Variants in SF3A3 observed in about 807,000 individuals in gnomAD.
SF3A3 encodes splicing factor 3a subunit 3, also known as SAP 61.
A neutral mutation model predicts 85.8 loss-of-function variants in SF3A3; 9 were observed. The observed-to-expected ratio is 0.10, with a 90% confidence interval of 0.06 to 0.18. The LOEUF (loss-of-function observed/expected upper bound fraction) is 0.18, where lower values mean the gene tolerates loss of function less well. Among genes scored for constraint, SF3A3 ranks in the 10% least tolerant of loss-of-function variants. The probability of loss-of-function intolerance (pLI) is 1.00; values close to 1 mark genes in which losing one functional copy is unlikely to be tolerated. For synonymous variants in SF3A3, 195 were observed against 204.4 expected (o/e 0.95, Z 0.39); for missense variants, 306 against 593.3 (o/e 0.52, Z 5.03).
At chr1:37,988,623 TCTC>T (rs1646471395) in intron 2 of SF3A3, among the ~76,000 whole-genome samples, 2 of 152,294 alleles carry the variant, frequency 1.3e-5, no homozygotes, top group South Asian at 4.1e-4. Flanking sequence ...AATCTGATAA[TCTC>T]CTGCAAATCA....
At chr1:37,978,303 C>T (rs1407716921) in intron 11 of SF3A3, among the ~76,000 whole-genome samples, 2 of 149,044 alleles carry the variant, frequency 1.3e-5, no homozygotes, top group Non-Finnish European at 3.0e-5. Context: ...TGCACCACTG[C>T]ACTCCAGCTT....
In SF3A3 at chr1:37,980,740, C is replaced by G; in HGVS notation, c.552-16G>C. The G allele has an allele frequency of 1.3e-6, 2 of 1,579,912 alleles. No homozygotes were observed. The highest frequency in any genetic ancestry group is 1.7e-6 in the Non-Finnish European group (2 of 1,157,706). ...CTCTAGGTATCTACAGAGGAACACA[C>G]AATGCAGACAAAGCAAAAAGGGTTT... is the stretch of plus-strand genomic sequence containing the variant. On this transcript the variant is annotated splice_polypyrimidine_tract_variant and intron_variant, in intron 7 of 16. Coordinates refer to ENST00000373019, the MANE Select transcript of SF3A3 (RefSeq NM_006802.4).
chr1:37,971,249 A>T (rs1353942076), intron 12 of SF3A3, among the ~76,000 whole-genome samples: 2 of 152,128 alleles, frequency 1.3e-5, no homozygotes, highest in African/African-American at 4.8e-5. Context: ...CAAACTAGAA[A>T]ATCTAGAAGA....
At chr1:37,969,033 T>C (rs1387906565) in intron 14 of SF3A3, among the ~76,000 whole-genome samples, 1 of 152,014 alleles carries the variant, frequency 6.6e-6, no homozygotes, top group African/African-American at 2.4e-5. Flanking sequence ...AGCAATGGGG[T>C]AGAGAAATAA....
chr1:37,973,625 T>G (rs1211061636), intron 12 of SF3A3, among the ~76,000 whole-genome samples: 1 of 152,234 alleles, frequency 6.6e-6, no homozygotes, highest in East Asian at 1.9e-4. Flanking sequence ...GCTTTTACAC[T>G]GTTGGTGGGA....
intron 1 of SF3A3, 64 bp from the exon 2 acceptor site, chr1:37,989,659 G>A: frequency 6.3e-7 from 1 of 1,575,944 alleles, no homozygotes. Flanking sequence ...AAGGCCGCCC[G>A]AGGGCGGAGC....
At chr1:37,965,426 A>C (rs1184200817) in intron 15 of SF3A3, among the ~76,000 whole-genome samples, 4 of 152,192 alleles carry the variant, frequency 2.6e-5, no homozygotes, top group African/African-American at 7.2e-5. Context: ...TGAAGAGATA[A>C]TCTCTGTCAA....
At chr1:37,982,510 A>G (rs547809424) in intron 6 of SF3A3, among the ~76,000 whole-genome samples, 1 of 151,906 alleles carries the variant, frequency 6.6e-6, no homozygotes, top group East Asian at 1.9e-4. Context: ...AATTGGGATT[A>G]CAGGCATGAG....
At chr1:37,969,298 T>TAGAG in intron 14 of SF3A3, 56 bp downstream of exon 14, 1 of 1,333,368 alleles carries the variant, frequency 7.5e-7, no homozygotes, top group Non-Finnish European at 1.1e-6. Flanking sequence ...CTCTTTTCTC[T>TAGAG]AAAAGTCTCA....
At position 37,989,557 on chromosome 1, in the gene SF3A3, G is replaced by C; in HGVS notation, c.135C>G (p.Ala45=). The change falls in exon 2 of 17, where the codon GCC becomes GCG. Residue 45 remains alanine, a synonymous_variant. Transcript: ENST00000373019. ...ACAGCTGGGCACTCACATCTTGCAT[G>C]GCCCGAGTGCGGTGATCAGAATTGA... The part of the protein sequence containing the change: ...DQINSDHRTR[A]MQDRYMEVSG... 1.9e-6 allele frequency: 3 copies of C among 1,613,944 alleles called. No individual in the cohort carries two copies. The highest frequency in any genetic ancestry group is 2.5e-6 in the Non-Finnish European group (3 of 1,179,970).
chr1:37,976,821 G>C (rs963429181), intron 12 of SF3A3, 63 bp downstream of exon 12: 2 of 1,021,098 alleles, frequency 2.0e-6, no homozygotes, highest in Non-Finnish European at 3.1e-6. Flanking sequence ...TCTTCTGTGA[G>C]TTCCTCTCCC....
intron 6 of SF3A3, among the ~76,000 whole-genome samples, chr1:37,982,886 G>C (rs1337445186): frequency 6.6e-6 from 1 of 151,876 alleles, no homozygotes; most frequent in Admixed American, 6.6e-5. Context: ...ATTGAGTCCA[G>C]GAGTCCAAGA....
chr1:37,988,617 T>C (rs1646471352), intron 2 of SF3A3, among the ~76,000 whole-genome samples: 1 of 152,202 alleles, frequency 6.6e-6, no homozygotes, highest in South Asian at 2.1e-4. Context: ...GCTTGTAATC[T>C]GATAATCTCC....
intron 12 of SF3A3, among the ~76,000 whole-genome samples, chr1:37,975,527 A>G (rs1213927100): frequency 1.3e-5 from 2 of 150,822 alleles, no homozygotes; most frequent in African/African-American, 4.9e-5. Context: ...AAAAAAAAAA[A>G]GAGGGAGAAA....
At chr1:37,961,753 G>A (rs1191162941) in intron 15 of SF3A3, among the ~76,000 whole-genome samples, 1 of 33,552 alleles carries the variant, frequency 3.0e-5, no homozygotes, top group African/African-American at 1.2e-4. Context: ...GACAAAGCAA[G>A]ACTGCCAAAA....
chr1:37,964,162 T>C (rs934257824), intron 15 of SF3A3, among the ~76,000 whole-genome samples: 25 of 149,534 alleles, frequency 1.7e-4, no homozygotes, highest in African/African-American at 5.9e-4. Context: ...CTGGCGACAG[T>C]GCGAGACTCC....
Position 37,989,549 on chromosome 1 carries a change from T to A in SF3A3, c.143A>T (p.Asp48Val). 6.2e-7 allele frequency: 1 copy of A among 1,613,650 alleles called. No homozygotes were observed. The highest frequency in any genetic ancestry group is 8.5e-7 in the Non-Finnish European group (1 of 1,179,884). Residue 48 changes from aspartate to valine, a missense_variant and splice_region_variant, in exon 2 of 17, where the codon GAT (aspartate) becomes GTT (valine). Asp to Val is a radical substitution (Grantham distance 152, BLOSUM62 -3). Coordinates refer to ENST00000373019, the MANE Select transcript of SF3A3 (RefSeq NM_006802.4). ...AGAGGCAGACAGCTGGGCACTCACA[T>A]CTTGCATGGCCCGAGTGCGGTGATC... The part of the protein sequence containing the change: ...NSDHRTRAMQ[D>V]RYMEVSGNLR...
chr1:37,959,985 G>T, intron 16 of SF3A3, 135 bp downstream of exon 16: 13 of 529,922 alleles, frequency 2.5e-5, no homozygotes, highest in Non-Finnish European at 3.7e-5. Context: ...AAAAGGAAAA[G>T]TCAATTTGTA....
chr1:37,970,445 A>T (rs907864856), intron 12 of SF3A3, among the ~76,000 whole-genome samples: 2 of 152,194 alleles, frequency 1.3e-5, no homozygotes, highest in African/African-American at 4.8e-5. Context: ...CATTAGACAG[A>T]TCAACGAGAC....
Sources: gnomAD v4.1 joint callset for allele counts (sites outside exome capture counted in the v4.1 genomes callset) on GRCh38, gnomAD v4.1.1 for gene constraint, MANE v1.5 for transcripts, NCBI Gene and HGNC (gene_info 2026-07-23, HGNC 2026-07-21) for gene names.